The following KIF26B variants were observed in gnomAD, a reference collection of about 807,000 sequenced individuals.
KIF26B encodes kinesin-like protein KIF26B.
In KIF26B, 63 loss-of-function variants were observed where a neutral mutation model predicts 151.2. That is an observed-to-expected ratio of 0.42 (90% CI 0.34 to 0.51). KIF26B has a LOEUF of 0.51. KIF26B is among the 20% of genes least tolerant of loss of function. KIF26B has a pLI of 0.07. For synonymous variants in KIF26B, 1,357 were observed against 1,262.1 expected (o/e 1.08, Z -1.59); for missense variants, 2,813 against 2,913.6 (o/e 0.97, Z 0.79).
intron 10 of KIF26B, among the ~76,000 whole-genome samples, chr1:245,671,495 T>C (rs2044285888): frequency 6.6e-6 from 1 of 151,354 alleles, no homozygotes; most frequent in Non-Finnish European, 1.5e-5. Context: ...GAGTGGGGAG[T>C]TGTTACTTAA....
In KIF26B at chr1:245,479,615, A is replaced by G. The variant is rs191668350; in HGVS notation, c.1166+59870A>G. ...ACCTTACCTAACTTGGCTAATTTGCATTGTTTCCATACAGAGAATGTAGTT... is the reference window on the plus strand; with the variant it reads ...ACCTTACCTAACTTGGCTAATTTGCGTTGTTTCCATACAGAGAATGTAGTT... On this transcript the variant is annotated intron_variant, in intron 4 of 14. Transcript: ENST00000407071. 2.8e-3 allele frequency among the ~76,000 whole-genome samples: 431 copies of G among 152,066 alleles called. 4 individuals are homozygous for G. Among genetic ancestry groups the G allele is most frequent in the Non-Finnish European group, 4.4e-3 (297 of 67,886 alleles).
chr1:245,194,076 C>G (rs1299596189), intron 2 of KIF26B, among the ~76,000 whole-genome samples: 1 of 152,166 alleles, frequency 6.6e-6, no homozygotes, highest in East Asian at 1.9e-4. Context: ...ACGTAGGACA[C>G]TGGGTCATTT....
Position 245,322,585 on chromosome 1 carries a change from A to G in KIF26B, c.466-44249A>G, listed in dbSNP as rs79667703. On this transcript the variant is annotated intron_variant, in intron 2 of 14. Transcript: ENST00000407071. ...CTCTAAAGTCAGCATGATAATGGAC[A>G]GAAGAACAAATGATGCATCTAGTAA... Among the ~76,000 whole-genome samples the G allele has an allele frequency of 6.2e-3, 939 of 152,348 alleles. 9 individuals carry two copies. Among genetic ancestry groups the G allele is most frequent in the Non-Finnish European group, 9.5e-3 (644 of 68,026 alleles).
At chr1:245,640,837 A>T (rs1392104127) in intron 9 of KIF26B, among the ~76,000 whole-genome samples, 3 of 152,166 alleles carry the variant, frequency 2.0e-5, no homozygotes, top group African/African-American at 4.8e-5. Flanking sequence ...CTACATTTTA[A>T]ATTTTTGATG....
At chr1:245,196,771 T>C (rs1388533206) in intron 2 of KIF26B, among the ~76,000 whole-genome samples, 1 of 152,178 alleles carries the variant, frequency 6.6e-6, no homozygotes, top group African/African-American at 2.4e-5. Context: ...TTAGAGCTTT[T>C]CTCAAGGCTA....
intron 3 of KIF26B, among the ~76,000 whole-genome samples, chr1:245,404,649 C>G (rs938075935): frequency 1.5e-4 from 23 of 152,128 alleles, no homozygotes; most frequent in African/African-American, 4.8e-4. Context: ...AGCAGAACCA[C>G]CAACTGGAGA....
chr1:245,273,043 A>G (rs1383431955), intron 2 of KIF26B, among the ~76,000 whole-genome samples: 1 of 151,714 alleles, frequency 6.6e-6, no homozygotes, highest in East Asian at 1.9e-4. Context: ...CTCGATCTGT[A>G]GTGTTCTTCA....
Position 245,540,809 on chromosome 1 carries a change from T to A in KIF26B, c.1209T>A (p.His403Gln). The part of the protein sequence containing the change: ...KLNLSSKKKK[H>Q]RPSTSSAAEP... ...ATCTGTCTTCTAAAAAGAAGAAACATCGGCCTTCCACTTCTTCCGCTGCCG... is the reference window on the plus strand; with the variant it reads ...ATCTGTCTTCTAAAAAGAAGAAACAACGGCCTTCCACTTCTTCCGCTGCCG... Residue 403 changes from histidine (H) to glutamine (Q), a missense_variant, in exon 5 of 15, where the codon CAT (histidine) becomes CAA (glutamine). Around this residue, in one of 3 missense-constraint regions of KIF26B, gnomAD observed 676 missense variants for 688.1 expected, o/e 0.98. Transcript: ENST00000407071. This position sits in a 1 kb window ranked among gnomAD's most constrained non-coding sequence, Gnocchi z 4.6. 6.2e-7 allele frequency: 1 copy of A among 1,613,986 alleles called. No individual in the cohort carries two copies. Among genetic ancestry groups the A allele is most frequent in the South Asian group, 1.1e-5 (1 of 91,084 alleles).
chr1:245,387,798 C>G (rs1325114332), intron 3 of KIF26B, among the ~76,000 whole-genome samples: 1 of 152,196 alleles, frequency 6.6e-6, no homozygotes, highest in African/African-American at 2.4e-5. Context: ...CAAAGTGTAG[C>G]TGGACATCTA....
At chr1:245,335,505 A>G (rs1672201427) in intron 2 of KIF26B, among the ~76,000 whole-genome samples, 1 of 152,226 alleles carries the variant, frequency 6.6e-6, no homozygotes, top group East Asian at 1.9e-4. Flanking sequence ...AAGCTTGGGA[A>G]GGAGTCAGGA....
intron 4 of KIF26B, among the ~76,000 whole-genome samples, chr1:245,464,371 GGGTGTGTGTA>G (rs1036740806): frequency 6.6e-6 from 1 of 151,926 alleles, no homozygotes; most frequent in Non-Finnish European, 1.5e-5. Context: ...GTGCGTGTGT[GGGTGTGTGTA>G]GGTGTGTGTG....
At chr1:245,617,084 T>G (rs965331310) in intron 9 of KIF26B, among the ~76,000 whole-genome samples, 9 of 150,882 alleles carry the variant, frequency 6.0e-5, no homozygotes, top group Admixed American at 1.3e-4. Flanking sequence ...TAATCTGTTT[T>G]TTTGTTTGTT....
chr1:245,337,481 C>T (rs1385320905), intron 2 of KIF26B, among the ~76,000 whole-genome samples: 1 of 151,526 alleles, frequency 6.6e-6, no homozygotes, highest in Non-Finnish European at 1.5e-5. Flanking sequence ...CACGCCTGGC[C>T]ATTCATTTAG....
chr1:245,205,455 A>C (rs1051966715), intron 2 of KIF26B, among the ~76,000 whole-genome samples: 1 of 152,090 alleles, frequency 6.6e-6, no homozygotes, highest in Non-Finnish European at 1.5e-5. Context: ...ATAATACTTG[A>C]AGTGTACAAT....
At chr1:245,473,921 G>T (rs1049120853) in intron 4 of KIF26B, among the ~76,000 whole-genome samples, 1 of 151,790 alleles carries the variant, frequency 6.6e-6, no homozygotes, top group Admixed American at 6.6e-5. Flanking sequence ...TTTTGGGGGT[G>T]CATGTGATAA....
chr1:245,545,286 G>C (rs1661719739), intron 5 of KIF26B, among the ~76,000 whole-genome samples: 1 of 152,092 alleles, frequency 6.6e-6, no homozygotes, highest in Non-Finnish European at 1.5e-5. Flanking sequence ...ATTTTTAGTA[G>C]AGACGGGGTT....
intron 5 of KIF26B, among the ~76,000 whole-genome samples, chr1:245,554,562 GTAGA>G (rs1661973530): frequency 6.6e-6 from 1 of 151,860 alleles, no homozygotes. Context: ...CATTCTTCAG[GTAGA>G]TAGCTCAAAC....
intron 3 of KIF26B, among the ~76,000 whole-genome samples, chr1:245,418,043 G>A (rs1307571679): frequency 1.3e-5 from 2 of 152,256 alleles, no homozygotes; most frequent in Non-Finnish European, 2.9e-5. Flanking sequence ...TGGTCCGGGA[G>A]GCATGATGCG....
At chr1:245,379,020 T>C (rs1673340183) in intron 3 of KIF26B, among the ~76,000 whole-genome samples, 1 of 152,212 alleles carries the variant, frequency 6.6e-6, no homozygotes, top group Non-Finnish European at 1.5e-5. Context: ...CAACTCAAGT[T>C]CATGTGACTC....
Sources: allele counts gnomAD v4.1 joint callset (sites outside exome capture counted in the v4.1 genomes callset), GRCh38; gene constraint gnomAD v4.1.1; regional missense constraint gnomAD v4.1.1; non-coding constraint Gnocchi (gnomAD v3.1); transcripts MANE v1.5; gene names NCBI Gene and HGNC (gene_info 2026-07-23, HGNC 2026-07-21).